The following FGF14 variants were observed in gnomAD, a reference collection of about 807,000 sequenced individuals.
FGF14 encodes fibroblast growth factor 14.
Under a neutral mutation model 25.5 loss-of-function variants are expected in FGF14, and 5 were observed. The observed-to-expected ratio is 0.20, with a 90% confidence interval of 0.10 to 0.41. The LOEUF (loss-of-function observed/expected upper bound fraction) is 0.41. FGF14 is among the 10% of genes least tolerant of loss of function. The pLI, the probability that FGF14 is intolerant of heterozygous loss-of-function variation, is 1.00. For missense variants in FGF14, 222 were observed against 320.1 expected (o/e 0.69, Z 2.34); for synonymous variants, 138 against 118.3 (o/e 1.17, Z -1.08).
intron 1 of FGF14, among the ~76,000 whole-genome samples, chr13:102,160,778 G>A (rs766921470): frequency 3.3e-5 from 5 of 152,056 alleles, no homozygotes; most frequent in Non-Finnish European, 7.4e-5. Flanking sequence ...GAAGAAGACT[G>A]AATGCTCACG....
chr13:102,157,478 T>C (rs925147257), intron 1 of FGF14, among the ~76,000 whole-genome samples: 5 of 152,142 alleles, frequency 3.3e-5, no homozygotes, highest in Admixed American at 1.3e-4. Flanking sequence ...AAACTGGATC[T>C]CTTCCTTACA....
intron 1 of FGF14, among the ~76,000 whole-genome samples, chr13:101,937,967 T>C (rs988826421): frequency 2.0e-5 from 3 of 152,184 alleles, no homozygotes; most frequent in African/African-American, 7.2e-5. Flanking sequence ...TAATACATTA[T>C]TTGAAAATGA....
chr13:101,736,102 C>T (rs945700818), intron 3 of FGF14, among the ~76,000 whole-genome samples: 4 of 152,098 alleles, frequency 2.6e-5, no homozygotes, highest in South Asian at 2.1e-4. Flanking sequence ...TGGTCAGTTT[C>T]GCCTCATCCT....
chr13:102,399,879 GCT>G (rs1221442203), intron 1 of FGF14, among the ~76,000 whole-genome samples: 11 of 152,092 alleles, frequency 7.2e-5, no homozygotes, highest in African/African-American at 2.7e-4. Context: ...GCAGCCAGAG[GCT>G]ACTACCAGAG....
chr13:102,273,937 C>G (rs1271122188), intron 1 of FGF14, among the ~76,000 whole-genome samples: 3 of 96,540 alleles, frequency 3.1e-5, no homozygotes, highest in East Asian at 4.9e-4. Flanking sequence ...AGAGCAAGAC[C>G]CTGTCTCAAA....
intron 3 of FGF14, among the ~76,000 whole-genome samples, chr13:101,740,236 T>G (rs1047311266): frequency 2.6e-5 from 4 of 152,214 alleles, no homozygotes; most frequent in Non-Finnish European, 4.4e-5. Context: ...TGAGAGGTTT[T>G]GTCTGCGGCT....
At chr13:102,026,919 T>G (rs1358667655) in intron 1 of FGF14, among the ~76,000 whole-genome samples, 1 of 152,032 alleles carries the variant, frequency 6.6e-6, no homozygotes, top group Admixed American at 6.6e-5. Context: ...ACAAATTCTA[T>G]TAATAGCTTG....
chr13:101,806,774 T>A (rs2041230232), intron 3 of FGF14, among the ~76,000 whole-genome samples: 1 of 152,094 alleles, frequency 6.6e-6, no homozygotes, highest in South Asian at 2.1e-4. Context: ...AACAGTATTA[T>A]TAATAGCATC....
chr13:102,366,617 G>GCAAA (rs2057720380), intron 1 of FGF14: 1 of 35,802 alleles, frequency 2.8e-5, no homozygotes. Context: ...CATTCTCCTT[G>GCAAA]CAAAAAAAAA....
chr13:101,892,725 T>C (rs1186050402), intron 1 of FGF14, among the ~76,000 whole-genome samples: 1 of 152,206 alleles, frequency 6.6e-6, no homozygotes, highest in Non-Finnish European at 1.5e-5. Context: ...CAATTAGCTA[T>C]GTGGTTTAAT....
In FGF14 at chr13:101,971,458, C is replaced by T. The variant is rs535431854; in HGVS notation, c.209-96162G>A. On this transcript the variant is annotated intron_variant, in intron 1 of 4. Coordinates refer to the FGF14 transcript ENST00000376131. ...TGTTCTTGGCTCACTGCAACCTCCGCCTCCCAGGCTCAAGCAGTCCTCCCA... is the reference window on the plus strand; with the variant it reads ...TGTTCTTGGCTCACTGCAACCTCCGTCTCCCAGGCTCAAGCAGTCCTCCCA... 5.9e-5 allele frequency among the ~76,000 whole-genome samples: 9 copies of T among 152,074 alleles called. No homozygotes were observed. The East Asian group carries it at 1.7e-3, about 29-fold the overall frequency.
intron 1 of FGF14, among the ~76,000 whole-genome samples, chr13:102,325,712 C>T (rs1042666932): frequency 1.8e-4 from 28 of 152,174 alleles, no homozygotes; most frequent in African/African-American, 5.8e-4. Context: ...CTACCATCCT[C>T]GGTCACACTA....
At chr13:101,884,104 C>T (rs1004475299) in intron 1 of FGF14, among the ~76,000 whole-genome samples, 1 of 132,166 alleles carries the variant, frequency 7.6e-6, no homozygotes, top group Non-Finnish European at 1.6e-5. Context: ...GAAATGGAGG[C>T]AGAGAGTCAC....
At chr13:102,123,543 T>A (rs972162131) in intron 1 of FGF14, among the ~76,000 whole-genome samples, 1 of 152,034 alleles carries the variant, frequency 6.6e-6, no homozygotes, top group South Asian at 2.1e-4. Context: ...ACTAAACAAA[T>A]TTTTTTGAAC....
intron 1 of FGF14, among the ~76,000 whole-genome samples, chr13:101,969,956 G>A (rs1483511466): frequency 6.6e-6 from 1 of 152,194 alleles, no homozygotes; most frequent in Non-Finnish European, 1.5e-5. Context: ...TTATGGGTCA[G>A]AACATTTCAG....
chr13:101,721,137 G>A lies in FGF14; in HGVS notation c.*1694C>T, dbSNP rs1293183222. ...CCACATATAATTTTCAATAAATGAGGTTCAGTTTGGTCTCAATGAACTCTT... is the reference window on the plus strand; with the variant it reads ...CCACATATAATTTTCAATAAATGAGATTCAGTTTGGTCTCAATGAACTCTT... On this transcript the variant is annotated 3_prime_UTR_variant, in exon 5 of 5. Coordinates refer to ENST00000376143, the MANE Select transcript of FGF14 (RefSeq NM_004115.4). The A allele has an allele frequency of 6.6e-6, 1 of 152,026 alleles. No homozygotes were observed. The highest frequency in any genetic ancestry group is 1.5e-5 in the Non-Finnish European group (1 of 67,986). 9.4% of individuals were successfully genotyped at this position (152,026 alleles called of 1,614,324 possible).
At chr13:101,971,899 G>C (rs1001173) in intron 1 of FGF14, among the ~76,000 whole-genome samples, 51,408 of 152,046 alleles carry the variant, frequency 0.34, 9,257 homozygotes, top group East Asian at 0.71. Flanking sequence ...AATTTCACAC[G>C]TGTATTCTAC....
At chr13:102,194,306 G>A (rs1159417642) in intron 1 of FGF14, among the ~76,000 whole-genome samples, 1 of 151,902 alleles carries the variant, frequency 6.6e-6, no homozygotes, top group African/African-American at 2.4e-5. Flanking sequence ...TGGGATACAT[G>A]TACAGGACGT....
At chr13:102,056,035 C>A (rs906817610) in intron 1 of FGF14, among the ~76,000 whole-genome samples, 3 of 152,228 alleles carry the variant, frequency 2.0e-5, no homozygotes, top group African/African-American at 7.2e-5. Flanking sequence ...TTATCTCCCA[C>A]TGGGTCCCTC....
Sources: allele counts gnomAD v4.1 joint callset (sites outside exome capture counted in the v4.1 genomes callset), GRCh38; gene constraint gnomAD v4.1.1; transcripts MANE v1.5; gene names NCBI Gene and HGNC (gene_info 2026-07-23, HGNC 2026-07-21).